TET1: variants seen among roughly 807,000 people sequenced by gnomAD.
TET1 encodes methylcytosine dioxygenase TET1.
A neutral mutation model predicts 148.7 loss-of-function variants in TET1; 13 were observed. That is an observed-to-expected ratio of 0.09 (90% CI 0.06 to 0.14). The LOEUF (loss-of-function observed/expected upper bound fraction) is 0.14. TET1 is among the 10% of genes least tolerant of loss of function. TET1 has a pLI of 1.00. For synonymous variants in TET1, 907 were observed against 937.2 expected, an observed-to-expected ratio of 0.97 and a Z score of 0.59; for missense variants, 2,182 against 2,553.8, an observed-to-expected ratio of 0.85 and a Z score of 3.14.
intron 3 of TET1, among the ~76,000 whole-genome samples, chr10:68,644,327 C>T (rs529261025): frequency 1.9e-4 from 29 of 152,236 alleles, no homozygotes; most frequent in Non-Finnish European, 2.9e-4. Flanking sequence ...ATCAGCCTCC[C>T]GGGTAGCTGG....
chr10:68,595,990 A>AC (rs1452995175), intron 2 of TET1, among the ~76,000 whole-genome samples: 976 of 70,166 alleles, frequency 0.014, 58 homozygotes, highest in African/African-American at 0.053. Flanking sequence ...ATATACACAC[A>AC]CACACACACA....
At chr10:68,602,733 C>T (rs1249205178) in intron 3 of TET1, among the ~76,000 whole-genome samples, 1 of 152,146 alleles carries the variant, frequency 6.6e-6, no homozygotes, top group East Asian at 1.9e-4. Flanking sequence ...TCATCTGCAA[C>T]AGCAAGCAGA....
chr10:68,590,287 G>T (rs1490603651), intron 2 of TET1, among the ~76,000 whole-genome samples: 1 of 151,460 alleles, frequency 6.6e-6, no homozygotes, highest in Non-Finnish European at 1.5e-5. Context: ...TAGTGTTTTT[G>T]TTTGTTTGTT....
Position 68,682,952 on chromosome 10 carries a change from C to T in TET1, c.5031C>T (p.Asn1677=). The part of the protein sequence containing the change: ...FCAHPHRDIH[N]MNNGSTVVCT... ...CTCATCCCCACAGGGACATTCACAACATGAATAATGGAAGCACTGTGGTAT... is the reference window on the plus strand; with the variant it reads ...CTCATCCCCACAGGGACATTCACAATATGAATAATGGAAGCACTGTGGTAT... The change falls in exon 10 of 12, where the codon AAC becomes AAT. Residue 1677 remains asparagine (N), a synonymous_variant. Coordinates refer to ENST00000373644, the MANE Select transcript of TET1 (RefSeq NM_030625.3). 1 of 1,613,822 alleles carries T rather than the reference C, an allele frequency of 6.2e-7. No homozygotes were observed. The highest frequency in any genetic ancestry group is 8.5e-7 in the Non-Finnish European group (1 of 1,179,978).
rs1011809401 is a variant in TET1, at chr10:68,596,031, T to C, written c.1915-4950T>C. Among the ~76,000 whole-genome samples the C allele has an allele frequency of 2.2e-3, 261 of 117,138 alleles. 3 individuals carry two copies. The highest frequency in any genetic ancestry group is 5.4e-3 in the African/African-American group (173 of 31,832). 76.8% of individuals were successfully genotyped at this position (117,138 alleles called of 152,430 possible). On this transcript the variant is annotated intron_variant, in intron 2 of 11. Transcript: ENST00000373644. ...ACACACACACACACACACACACATA[T>C]ATATATATATATACACATTTTTTTT...
chr10:68,644,981 T>C lies in TET1; in HGVS notation c.2252T>C (p.Leu751Ser). ...VDKKRTKSPK[L>S]FVQTVRNGIK... Reference sequence around the variant, plus strand: ...AAGAAACGAACCAAATCTCCAAAATTGTTTGTACAAACCGTAAGAAATGGC... The same window carrying C: ...AAGAAACGAACCAAATCTCCAAAATCGTTTGTACAAACCGTAAGAAATGGC... The change falls in exon 4 of 12, where the codon TTG (leucine) becomes TCG (serine). Residue 751 changes from leucine (L) to serine (S), a missense_variant. Coordinates refer to ENST00000373644, the MANE Select transcript of TET1 (RefSeq NM_030625.3). 1 of 1,613,662 alleles carries C rather than the reference T, an allele frequency of 6.2e-7. No individual in the cohort carries two copies. Among genetic ancestry groups the C allele is most frequent in the Non-Finnish European group, 8.5e-7 (1 of 1,179,798 alleles).
chr10:68,567,726 T>G (rs920666396), intron 1 of TET1, among the ~76,000 whole-genome samples: 1 of 150,746 alleles, frequency 6.6e-6, no homozygotes, highest in Admixed American at 6.6e-5. Flanking sequence ...AACTCCAGCC[T>G]GGGCAATAAG....
At position 68,645,764 on chromosome 10, in the gene TET1, C is replaced by T. The variant is rs1275579597; in HGVS notation, c.3035C>T (p.Ser1012Leu). 1 of 1,614,086 alleles carries T rather than the reference C, an allele frequency of 6.2e-7. No homozygotes were observed. The highest frequency in any genetic ancestry group is 8.5e-7 in the Non-Finnish European group (1 of 1,180,000). Reference sequence around the variant, plus strand: ...TCTCTTTTTATACCAAAATCAAATTCATCCAAGATTGACACCAATAAAAGT... The same window carrying T: ...TCTCTTTTTATACCAAAATCAAATTTATCCAAGATTGACACCAATAAAAGT... ...SLSLFIPKSN[S>L]SKIDTNKSIA... Residue 1012 changes from serine (S) to leucine (L), a missense_variant, in exon 4 of 12, where the codon TCA becomes TTA. Around this residue, in one of 11 missense-constraint regions of TET1, gnomAD observed 582 missense variants for 599.5 expected, o/e 0.97. Coordinates refer to ENST00000373644, the MANE Select transcript of TET1 (RefSeq NM_030625.3).
chr10:68,647,082 A>AG, intron 4 of TET1, 77 bp downstream of exon 4: 1 of 1,438,700 alleles, frequency 7.0e-7, no homozygotes, highest in Non-Finnish European at 9.4e-7. Context: ...ATTCTGATTC[A>AG]TCTTTTTTGT....
intron 3 of TET1, among the ~76,000 whole-genome samples, chr10:68,612,093 C>CTTT (rs1178340147): frequency 7.0e-6 from 1 of 142,160 alleles, no homozygotes. Flanking sequence ...TTGTTGTTTT[C>CTTT]TTTTTTTTTT....
rs752696543 is a variant in TET1, at chr10:68,646,549, G to C, written c.3820G>C (p.Gly1274Arg). ...SLFHLKTESN[G>R]KAFTDKAYNS... ...ATTTCATCTTAAAACGGAATCCAAC[G>C]GGAAGGCATTCACTGATAAAGCTTA... Residue 1274 changes from glycine (G) to arginine (R), a missense_variant, in exon 4 of 12, where the codon GGG becomes CGG. By Grantham distance (125) the Gly-to-Arg change is moderately radical. Coordinates refer to ENST00000373644, the MANE Select transcript of TET1 (RefSeq NM_030625.3). The C allele has an allele frequency of 1.1e-5, 17 of 1,613,994 alleles. No individual in the cohort carries two copies. The highest frequency in any genetic ancestry group is 1.4e-5 in the Non-Finnish European group (17 of 1,180,038).
In TET1 at chr10:68,572,755, T is replaced by C. The variant is rs1361548332; in HGVS notation, c.417T>C (p.Asp139=). The change falls in exon 2 of 12, where the codon GAT becomes GAC. Residue 139 remains aspartate, a synonymous_variant. Transcript: ENST00000373644. ...PLSKGLEKQH[D]CDYKILPALG... ...CTAAGGGTTTAGAAAAGCAACATGA[T>C]TGTGATTATAAGATACTCCCTGCTT... 1.5e-5 allele frequency: 24 copies of C among 1,614,084 alleles called. No homozygotes were observed. Among genetic ancestry groups the C allele is most frequent in the Non-Finnish European group, 2.0e-5 (24 of 1,180,062 alleles).
intron 6 of TET1, among the ~76,000 whole-genome samples, chr10:68,664,873 C>T (rs2055175466): frequency 6.6e-6 from 1 of 151,786 alleles, no homozygotes; most frequent in South Asian, 2.1e-4. Flanking sequence ...TTCCCAGGTT[C>T]AAGGGATCCT....
chr10:68,617,971 G>T (rs10998332), intron 3 of TET1, among the ~76,000 whole-genome samples: 1,545 of 150,724 alleles, frequency 0.01, 28 homozygotes, highest in African/African-American at 0.035. Context: ...GTCCATGCTG[G>T]TGTGCAGTAG....
At position 68,649,578 on chromosome 10, in the gene TET1, C is replaced by CCT. The variant is rs1376186828; in HGVS notation, c.4277-2267_4277-2266dup. Among the ~76,000 whole-genome samples the CCT allele has an allele frequency of 1.7e-3, 251 of 148,310 alleles. 1 individual carries two copies. Among genetic ancestry groups the CCT allele is most frequent in the African/African-American group, 6.2e-3 (245 of 39,560 alleles). The stretch of plus-strand genomic sequence containing the variant: ...CCGAGATCACGCCACTGCACTCCAG[C>CCT]CTGGATGACACAGCGAGACTCTGTC... On this transcript the variant is annotated intron_variant, in intron 4 of 11. Coordinates refer to ENST00000373644, the MANE Select transcript of TET1 (RefSeq NM_030625.3).
chr10:68,607,118 A>G lies in TET1; in HGVS notation c.1968+6084A>G, dbSNP rs117062836. On this transcript the variant is annotated intron_variant, in intron 3 of 11. Transcript: ENST00000373644. ...TGATCCCAAACAGAGAATCAAAGTGAATAAAAGCCAAATGGAGTTGGACGG... is the reference window on the plus strand; with the variant it reads ...TGATCCCAAACAGAGAATCAAAGTGGATAAAAGCCAAATGGAGTTGGACGG... Among the ~76,000 whole-genome samples the G allele has an allele frequency of 3.9e-3, 588 of 152,202 alleles. 7 individuals carry two copies. Among genetic ancestry groups the G allele is most frequent in the East Asian group, 0.013 (68 of 5,180 alleles).
chr10:68,691,219 C>T lies in TET1; in HGVS notation c.5816C>T (p.Pro1939Leu), dbSNP rs781517424. 3.7e-6 allele frequency: 6 copies of T among 1,614,142 alleles called. No homozygotes were observed. Among genetic ancestry groups the T allele is most frequent in the Non-Finnish European group, 2.5e-6 (3 of 1,180,024 alleles). The part of the protein sequence containing the change: ...GVTEPLTPHQ[P>L]NHQPSFLTSP... ...ACTGAGCCGCTAACGCCTCATCAGC[C>T]AAACCACCAGCCCTCCTTCCTCACC... The change falls in exon 12 of 12, where the codon CCA becomes CTA. Residue 1939 changes from proline to leucine, a missense_variant. Pro to Leu is a moderately conservative substitution (Grantham distance 98). Coordinates refer to ENST00000373644, the MANE Select transcript of TET1 (RefSeq NM_030625.3). The surrounding 1 kb of genome is among the most constrained non-coding windows in gnomAD (Gnocchi z 4.4).
intron 4 of TET1, among the ~76,000 whole-genome samples, chr10:68,648,161 T>C (rs1361853296): frequency 6.6e-6 from 1 of 152,222 alleles, no homozygotes; most frequent in Non-Finnish European, 1.5e-5. Context: ...TTAGGAGTCA[T>C]TGAAAGAGAA....
chr10:68,598,266 CTG>C (rs2054010143), intron 2 of TET1, among the ~76,000 whole-genome samples: 1 of 152,174 alleles, frequency 6.6e-6, no homozygotes, highest in African/African-American at 2.4e-5. Flanking sequence ...TGGCGCATGT[CTG>C]TAATCCCAGC....
Sources: allele counts gnomAD v4.1 joint callset (sites outside exome capture counted in the v4.1 genomes callset), GRCh38; gene constraint gnomAD v4.1.1; regional missense constraint gnomAD v4.1.1; non-coding constraint Gnocchi (gnomAD v3.1); transcripts MANE v1.5; gene names NCBI Gene and HGNC (gene_info 2026-07-23, HGNC 2026-07-21).